Variants in HERC1 observed in about 807,000 individuals in gnomAD.
The protein encoded by HERC1 is HECT and RLD domain containing E3 ubiquitin protein ligase family member 1, also known as probable E3 ubiquitin-protein ligase HERC1.
A neutral mutation model predicts 554.3 loss-of-function variants in HERC1; 160 were observed. The ratio of observed to expected loss-of-function variants is 0.29; its 90% CI spans 0.25 to 0.33. The LOEUF (loss-of-function observed/expected upper bound fraction) is 0.33. Among genes scored for constraint, HERC1 ranks in the 10% least tolerant of loss-of-function variants. The pLI is 1.00. For missense variants in HERC1, 4,919 were observed against 5,918.5 expected, an observed-to-expected ratio of 0.83 and a Z score of 5.54; for synonymous variants, 2,175 against 2,131.7, an observed-to-expected ratio of 1.02 and a Z score of -0.56.
Position 63,753,010 on chromosome 15 carries a change from C to T in HERC1, c.1850G>A (p.Arg617His), listed in dbSNP as rs751520545. 1 of 1,613,456 alleles carries T rather than the reference C, an allele frequency of 6.2e-7. No homozygotes were observed. The highest frequency in any genetic ancestry group is 1.7e-5 in the Admixed American group (1 of 59,976). The change falls in exon 8 of 78, where the codon CGC becomes CAC. Residue 617 changes from arginine (R) to histidine (H), a missense_variant. Physicochemically the swap from Arg to His is conservative, Grantham distance 29. Around this residue, in one of 11 missense-constraint regions of HERC1, gnomAD observed 744 missense variants for 1,090.0 expected, o/e 0.68. Coordinates refer to ENST00000443617, the MANE Select transcript of HERC1 (RefSeq NM_003922.4). ...VIEALQGMFI[R>H]KVCAGSQSSL... ...AGACTGGCTCCCAGCACAAACTTTG[C>T]GAATGAACATTCCTTGTAAAGCTTC...
intron 17 of HERC1, among the ~76,000 whole-genome samples, chr15:63,726,142 T>C (rs1596078112): frequency 6.6e-6 from 1 of 152,232 alleles, no homozygotes; most frequent in East Asian, 1.9e-4. Context: ...CCACGGTGCC[T>C]GGCTAATTTT....
At chr15:63,750,329 T>C (rs1182142591) in intron 8 of HERC1, among the ~76,000 whole-genome samples, 1 of 152,192 alleles carries the variant, frequency 6.6e-6, no homozygotes, top group African/African-American at 2.4e-5. Flanking sequence ...TTAAACATCT[T>C]CATTTTTGAC....
intron 18 of HERC1, among the ~76,000 whole-genome samples, chr15:63,723,766 ACTAGAC>A (rs1443982524): frequency 1.4e-4 from 21 of 152,240 alleles, no homozygotes; most frequent in African/African-American, 4.8e-4. Context: ...TGAAAATGCG[ACTAGAC>A]CTTTTTTTAA....
At chr15:63,827,315 G>A (rs2077975484) in intron 1 of HERC1, among the ~76,000 whole-genome samples, 1 of 151,976 alleles carries the variant, frequency 6.6e-6, no homozygotes, top group Non-Finnish European at 1.5e-5. Flanking sequence ...CCAGCTACTT[G>A]GGTGGCTGAT....
intron 57 of HERC1, among the ~76,000 whole-genome samples, 165 bp downstream of exon 57, chr15:63,644,827 T>G (rs1310293963): frequency 6.6e-6 from 1 of 152,218 alleles, no homozygotes; most frequent in East Asian, 1.9e-4. Flanking sequence ...GTATCTCTGA[T>G]TTATAAAAAA....
In HERC1 at chr15:63,652,455, C is replaced by A; in HGVS notation, c.10377G>T (p.Lys3459Asn). 1 of 1,612,780 alleles carries A rather than the reference C, an allele frequency of 6.2e-7. No homozygotes were observed. Among genetic ancestry groups the A allele is most frequent in the South Asian group, 1.1e-5 (1 of 90,860 alleles). ...AGGTCTGTTGCAGTGAATATTGCTT[C>A]TTGGTAACATTCCATACGCGGATGG... ...DGTIRVWNVT[K>N]KQYSLQQTCV... Residue 3459 changes from lysine (K) to asparagine (N), a missense_variant, in exon 52 of 78, where the codon AAG (lysine) becomes AAT (asparagine). Lys to Asn is a moderately conservative substitution (Grantham distance 94). Around this residue, in one of 11 missense-constraint regions of HERC1, gnomAD observed 1,963 missense variants for 2,228.6 expected, o/e 0.88. Coordinates refer to ENST00000443617, the MANE Select transcript of HERC1 (RefSeq NM_003922.4).
At chr15:63,631,847 A>C (rs556320297) in intron 68 of HERC1, among the ~76,000 whole-genome samples, 1 of 152,208 alleles carries the variant, frequency 6.6e-6, no homozygotes, top group East Asian at 1.9e-4. Flanking sequence ...GGCCCTCCCA[A>C]GTCTTATTCC....
chr15:63,744,317 C>G (rs1472695371), intron 12 of HERC1, among the ~76,000 whole-genome samples: 1 of 152,154 alleles, frequency 6.6e-6, no homozygotes, highest in Non-Finnish European at 1.5e-5. Context: ...AGCACTGGGT[C>G]TCACCCAAGC....
At chr15:63,814,588 C>T (rs918764819) in intron 1 of HERC1, among the ~76,000 whole-genome samples, 1 of 152,198 alleles carries the variant, frequency 6.6e-6, no homozygotes, top group Non-Finnish European at 1.5e-5. Flanking sequence ...ACCCGAGTAG[C>T]TGGGATTACA....
At chr15:63,821,854 C>A (rs568964860) in intron 1 of HERC1, among the ~76,000 whole-genome samples, 1 of 151,562 alleles carries the variant, frequency 6.6e-6, no homozygotes, top group East Asian at 1.9e-4. Flanking sequence ...GTGGAATAAA[C>A]AACATATCCA....
In HERC1 at chr15:63,694,232, G is replaced by C. The variant is rs939742872; in HGVS notation, c.5481-75C>G. On this transcript the variant is annotated intron_variant, in intron 29 of 77. Transcript: ENST00000443617. The surrounding 1 kb of genome is among the most constrained non-coding windows in gnomAD (Gnocchi z 4.3). ...GCATAGTGCTTAAATACATAAAGCAGATTAGAGGGAAAGGGGGAATTCTAA... is the reference window on the plus strand; with the variant it reads ...GCATAGTGCTTAAATACATAAAGCACATTAGAGGGAAAGGGGGAATTCTAA... 3 of 1,563,800 alleles carry C rather than the reference G, an allele frequency of 1.9e-6. No homozygotes were observed. The African/African-American group carries it at 4.1e-5, about 21-fold the overall frequency.
chr15:63,783,079 AG>A (rs1369464178), intron 1 of HERC1, among the ~76,000 whole-genome samples: 1 of 152,252 alleles, frequency 6.6e-6, no homozygotes, highest in Admixed American at 6.5e-5. Flanking sequence ...ATGACAACAA[AG>A]GATTAGAATA....
chr15:63,622,961 A>C (rs1394952426), intron 73 of HERC1, 70 bp from the exon 74 acceptor site: 3 of 854,050 alleles, frequency 3.5e-6, no homozygotes. Flanking sequence ...ACCAATTACA[A>C]GATCATACTG....
intron 12 of HERC1, among the ~76,000 whole-genome samples, chr15:63,743,238 T>A (rs1201149825): frequency 6.8e-6 from 1 of 146,710 alleles, no homozygotes; most frequent in Non-Finnish European, 1.5e-5. Context: ...CTGTGTATTT[T>A]CTTTTTTTTT....
At chr15:63,687,940 G>C (rs1379243732) in intron 33 of HERC1, among the ~76,000 whole-genome samples, 1 of 152,192 alleles carries the variant, frequency 6.6e-6, no homozygotes, top group African/African-American at 2.4e-5. Flanking sequence ...AAGTTGCTTA[G>C]ACTATAGTGA....
intron 26 of HERC1, among the ~76,000 whole-genome samples, chr15:63,697,529 A>C (rs1259962176): frequency 1.4e-5 from 2 of 140,852 alleles, no homozygotes; most frequent in East Asian, 4.1e-4. Flanking sequence ...ATCTCGGCTC[A>C]CTGCAACCTC....
intron 24 of HERC1, among the ~76,000 whole-genome samples, chr15:63,710,482 C>A (rs2073238354): frequency 6.6e-6 from 1 of 152,130 alleles, no homozygotes; most frequent in Non-Finnish European, 1.5e-5. Context: ...TCCTGACTAC[C>A]TACCACGTGC....
At position 63,619,795 on chromosome 15, in the gene HERC1, G is replaced by A. The variant is rs557928617; in HGVS notation, c.13688+3020C>T. ...GTTTATTTGCATAGAGGTGTTTATA[G>A]TATTCTCTGATGGTAGTTTGTATTT... is the stretch of plus-strand genomic sequence containing the variant. On this transcript the variant is annotated intron_variant, in intron 74 of 77. Coordinates refer to ENST00000443617, the MANE Select transcript of HERC1 (RefSeq NM_003922.4). 1.6e-4 allele frequency among the ~76,000 whole-genome samples: 24 copies of A among 152,238 alleles called. No individual in the cohort carries two copies. In the South Asian group the frequency reaches 4.8e-3, roughly 30 times the overall value.
intron 68 of HERC1, among the ~76,000 whole-genome samples, chr15:63,631,733 G>A (rs989311967): frequency 2.6e-5 from 4 of 152,096 alleles, no homozygotes; most frequent in Admixed American, 1.3e-4. Context: ...TAGAGACGGC[G>A]TTTCGCCATG....
Sources: gnomAD v4.1 joint callset for allele counts (sites outside exome capture counted in the v4.1 genomes callset) on GRCh38, gnomAD v4.1.1 for gene constraint, gnomAD v4.1.1 regional missense constraint, Gnocchi (gnomAD v3.1) non-coding constraint, MANE v1.5 for transcripts, NCBI Gene and HGNC (gene_info 2026-07-23, HGNC 2026-07-21) for gene names.